The following DOK6 variants were observed in gnomAD, a reference collection of about 807,000 sequenced individuals.
The protein encoded by DOK6 is docking protein 6, also known as downstream of tyrosine kinase 6.
DOK6 carries 22 observed loss-of-function variants against 44.0 expected under a neutral mutation model. The observed-to-expected ratio is 0.50, with a 90% CI of 0.36 to 0.71. The LOEUF (loss-of-function observed/expected upper bound fraction) is 0.71. Among genes scored for constraint, DOK6 ranks in the 30% least tolerant of loss-of-function variants. The pLI is 0.00. For missense variants in DOK6, 340 were observed against 416.4 expected (o/e 0.82, Z 1.60); for synonymous variants, 166 against 145.5 (o/e 1.14, Z -1.01).
intron 1 of DOK6, among the ~76,000 whole-genome samples, chr18:69,411,755 C>T (rs1978307007): frequency 6.6e-6 from 1 of 152,044 alleles, no homozygotes; most frequent in Admixed American, 6.6e-5. Context: ...AAACATTCTC[C>T]ACCACTACCT....
chr18:69,558,744 C>T (rs1000654816), intron 1 of DOK6, among the ~76,000 whole-genome samples: 1 of 152,060 alleles, frequency 6.6e-6, no homozygotes. Context: ...ACTAAGGAGA[C>T]AGAACAACTA....
intron 5 of DOK6, among the ~76,000 whole-genome samples, chr18:69,709,894 T>G (rs12457798): frequency 0.46 from 69,376 of 152,004 alleles, 16,531 homozygotes; most frequent in East Asian, 0.72. Flanking sequence ...ATAAACTTAC[T>G]GGCTAGGCAC....
intron 5 of DOK6, among the ~76,000 whole-genome samples, chr18:69,709,156 C>G (rs982749664): frequency 1.3e-5 from 2 of 152,108 alleles, no homozygotes; most frequent in Non-Finnish European, 2.9e-5. Flanking sequence ...ATGTGCCCTT[C>G]AAGAACATCC....
In DOK6 at chr18:69,617,732, G is replaced by GGGAAGGAGGGAAGGAA. The variant is rs771577991; in HGVS notation, c.289+18242_289+18257dup. ...AAAAGAAAGAAAGAAAGAAAAAAGG[G>GGGAAGGAGGGAAGGAA]GGAAGGAGGGAAGGAAGGAAGGAAA... On this transcript the variant is annotated intron_variant, in intron 3 of 7. Transcript: ENST00000382713. Among the ~76,000 whole-genome samples the GGGAAGGAGGGAAGGAA allele has an allele frequency of 1.4e-3, 69 of 48,436 alleles. 1 individual carries two copies. The highest frequency in any genetic ancestry group is 7.6e-3 in the Admixed American group (32 of 4,216). The allele number at this position is 48,436 out of a possible 152,430, so 31.8% of individuals were successfully genotyped here. A position where few individuals can be genotyped will look rare whatever the true frequency, so the allele number is the denominator to read the frequency against.
intron 7 of DOK6, among the ~76,000 whole-genome samples, chr18:69,794,260 T>C (rs534913882): frequency 6.6e-6 from 1 of 152,284 alleles, no homozygotes; most frequent in African/African-American, 2.4e-5. Context: ...ATACTCAAAT[T>C]CCTTTTAGCT....
chr18:69,441,576 G>A (rs1002130836), intron 1 of DOK6, among the ~76,000 whole-genome samples: 7 of 152,134 alleles, frequency 4.6e-5, no homozygotes, highest in Non-Finnish European at 8.8e-5. Flanking sequence ...TCAAACATGA[G>A]TAGCATAAAT....
chr18:69,595,533 T>C (rs1983720924), intron 2 of DOK6, among the ~76,000 whole-genome samples: 1 of 152,188 alleles, frequency 6.6e-6, no homozygotes, highest in East Asian at 1.9e-4. Context: ...CTTTGGACAT[T>C]GTTTCCCATA....
At chr18:69,547,208 C>A (rs1472851353) in intron 1 of DOK6, among the ~76,000 whole-genome samples, 18 of 151,516 alleles carry the variant, frequency 1.2e-4, no homozygotes, top group Admixed American at 1.1e-3. Flanking sequence ...TCAAGCAATT[C>A]TCTTGCTTCA....
intron 1 of DOK6, among the ~76,000 whole-genome samples, chr18:69,420,057 T>G (rs1471539586): frequency 6.6e-6 from 1 of 152,172 alleles, no homozygotes; most frequent in Non-Finnish European, 1.5e-5. Flanking sequence ...TTTTATAACT[T>G]CAACTAAATT....
chr18:69,566,529 T>C (rs1348213503), intron 2 of DOK6, among the ~76,000 whole-genome samples: 2 of 151,886 alleles, frequency 1.3e-5, no homozygotes, highest in African/African-American at 4.9e-5. Context: ...CTGAAAAAAA[T>C]AGACACACTC....
intron 7 of DOK6, among the ~76,000 whole-genome samples, chr18:69,811,483 G>A (rs1981223556): frequency 6.9e-6 from 1 of 145,618 alleles, no homozygotes; most frequent in African/African-American, 2.6e-5. Context: ...TTAAGTATGT[G>A]AGGTAATGCA....
At chr18:69,452,508 C>T (rs1438353230) in intron 1 of DOK6, among the ~76,000 whole-genome samples, 1 of 132,716 alleles carries the variant, frequency 7.5e-6, no homozygotes, top group East Asian at 2.5e-4. Flanking sequence ...ACCATTCCTT[C>T]TGAAACTATT....
intron 3 of DOK6, among the ~76,000 whole-genome samples, chr18:69,637,050 T>C (rs534022120): frequency 6.6e-6 from 1 of 152,260 alleles, no homozygotes; most frequent in African/African-American, 2.4e-5. Context: ...CATACCCCTC[T>C]CCTCACTCTG....
At chr18:69,561,286 CT>C (rs1982825757) in intron 1 of DOK6, among the ~76,000 whole-genome samples, 1 of 147,812 alleles carries the variant, frequency 6.8e-6, no homozygotes, top group Non-Finnish European at 1.5e-5. Flanking sequence ...GATTCCAGAG[CT>C]CTATTAAGTT....
rs376765699 is a variant in DOK6 at position 69,612,456 on chromosome 18, A to AGGGCGCATGTGT, written c.289+12959_289+12960insGGCGCATGTGTG. 4.1e-5 allele frequency among the ~76,000 whole-genome samples: 6 copies of AGGGCGCATGTGT among 146,702 alleles called. 2 individuals are homozygous for AGGGCGCATGTGT. The highest frequency in any genetic ancestry group is 1.5e-4 in the African/African-American group (6 of 39,620). Reference sequence around the variant, plus strand: ...ATGTGTGCGAGGGCGCATGTGTGCGAGCGTGCATATGTATTTCTTGCTCTT... The same window carrying AGGGCGCATGTGT: ...ATGTGTGCGAGGGCGCATGTGTGCGAGGGCGCATGTGTGCGTGCATATGTATTTCTTGCTCTT... On this transcript the variant is annotated intron_variant, in intron 3 of 7. Coordinates refer to ENST00000382713, the MANE Select transcript of DOK6 (RefSeq NM_152721.6).
chr18:69,788,035 A>G (rs1980485229), intron 7 of DOK6, among the ~76,000 whole-genome samples: 1 of 152,146 alleles, frequency 6.6e-6, no homozygotes, highest in Admixed American at 6.5e-5. Context: ...GATATTATGA[A>G]ATCCTCCAGT....
chr18:69,578,626 T>C (rs1252451144), intron 2 of DOK6, among the ~76,000 whole-genome samples: 34 of 152,222 alleles, frequency 2.2e-4, no homozygotes. Flanking sequence ...CAGAGTATCA[T>C]CAGTGCATTT....
chr18:69,622,938 G>A (rs1293146156), intron 3 of DOK6, among the ~76,000 whole-genome samples: 4 of 152,202 alleles, frequency 2.6e-5, no homozygotes, highest in African/African-American at 7.2e-5. Context: ...CATTTGAGTC[G>A]GAATTGCCAT....
intron 5 of DOK6, among the ~76,000 whole-genome samples, chr18:69,720,890 T>C (rs1439320384): frequency 6.6e-6 from 1 of 152,174 alleles, no homozygotes; most frequent in Non-Finnish European, 1.5e-5. Flanking sequence ...TATGGATTCC[T>C]ACATAGAAGA....
Sources: gnomAD v4.1 joint callset for allele counts (sites outside exome capture counted in the v4.1 genomes callset) on GRCh38, gnomAD v4.1.1 for gene constraint, MANE v1.5 for transcripts, NCBI Gene and HGNC (gene_info 2026-07-23, HGNC 2026-07-21) for gene names.